HCRTR1: variants seen among roughly 807,000 people sequenced by gnomAD.
HCRTR1 encodes orexin/Hypocretin receptor type 1.
HCRTR1 carries 28 observed loss-of-function variants against 40.6 expected under a neutral mutation model. The ratio of observed to expected loss-of-function variants is 0.69; its 90% CI spans 0.51 to 0.95. HCRTR1 has a LOEUF of 0.95. HCRTR1 is among the 40% of genes least tolerant of loss of function. The pLI, the probability that HCRTR1 is intolerant of heterozygous loss-of-function variation, is 0.00. For synonymous variants in HCRTR1, 209 were observed against 230.0 expected (o/e 0.91, Z 0.83); for missense variants, 482 against 564.7 (o/e 0.85, Z 1.48).
At chr1:31,621,333 GTC>G (rs1639851435) in intron 5 of HCRTR1, 142 bp from the exon 6 acceptor site, 1 of 802,510 alleles carries the variant, frequency 1.2e-6, no homozygotes, top group Non-Finnish European at 2.1e-6. Context: ...CAACTCCAGG[GTC>G]TCTGTCTGTC....
downstream of HCRTR1, chr1:31,630,780 A>G: frequency 6.2e-7 from 1 of 1,613,834 alleles, no homozygotes; most frequent in South Asian, 1.1e-5. Flanking sequence ...GAGCGTGGGC[A>G]GTAGCGGGAG....
At chr1:31,618,990 A>G (rs906276624) in intron 2 of HCRTR1, 61 bp from the exon 3 acceptor site, 1 of 588,226 alleles carries the variant, frequency 1.7e-6, no homozygotes, top group East Asian at 2.8e-5. Flanking sequence ...CGCCTGGCAC[A>G]ATCCCTAATG....
At chr1:31,633,306 G>A (rs750063064), downstream of HCRTR1, 70 of 1,611,282 alleles carry the variant, frequency 4.3e-5, no homozygotes, top group Admixed American at 1.7e-5. Flanking sequence ...ACATTGGGAG[G>A]GGCGCCACCT....
downstream of HCRTR1, chr1:31,632,401 C>A (rs537267100): frequency 1.3e-6 from 2 of 1,588,436 alleles, no homozygotes; most frequent in South Asian, 1.1e-5. Context: ...GGTGGACATT[C>A]GGTAACAAGA....
At position 31,619,226 on chromosome 1, in the gene HCRTR1, G is replaced by T; in HGVS notation, c.34G>T (p.Gly12Trp). Residue 12 changes from glycine (G) to tryptophan (W), a missense_variant, in exon 3 of 9, where the codon GGG becomes TGG. Transcript: ENST00000403528. Reference protein sequence around the residue: ...EPSATPGAQMGVPPGSREPSP... With the variant: ...EPSATPGAQMWVPPGSREPSP... ...CTCAGCCACCCCAGGGGCCCAGATG[G>T]GGGTCCCCCCTGGCAGCAGAGAGCC... 6.2e-7 allele frequency: 1 copy of T among 1,613,278 alleles called. No individual in the cohort carries two copies.
downstream of HCRTR1, chr1:31,633,336 C>T (rs756447601): frequency 3.8e-6 from 6 of 1,591,498 alleles, no homozygotes; most frequent in Admixed American, 1.0e-4. Flanking sequence ...GGTGTGAAGG[C>T]CATCAACAGA....
rs6660179 is a variant in HCRTR1 at position 31,625,809 on chromosome 1, T to C, written c.1087+691T>C. Among the ~76,000 whole-genome samples, 2,880 of 152,276 alleles carry C rather than the reference T, an allele frequency of 0.019. 39 individuals carry two copies. Among genetic ancestry groups the C allele is most frequent in the Middle Eastern group, 0.068 (20 of 294 alleles). ...CTCACCAGCCCTCTGACTTTGGGAA[T>C]AGACTTCTAAAGAACAGGTCCAGAT... is the stretch of plus-strand genomic sequence containing the variant. On this transcript the variant is annotated intron_variant, in intron 8 of 8. Coordinates refer to ENST00000403528, the MANE Select transcript of HCRTR1 (RefSeq NM_001525.3). This position sits in a 1 kb window ranked among gnomAD's most constrained non-coding sequence, Gnocchi z 4.2.
In HCRTR1 at chr1:31,619,749, C is replaced by T. The variant is rs201308425; in HGVS notation, c.378+39C>T. ...AGGCACCCCTCACCACTCCTTGTCACGCCTGTAAAAAACCCACGGCCTTGC... is the reference window on the plus strand; with the variant it reads ...AGGCACCCCTCACCACTCCTTGTCATGCCTGTAAAAAACCCACGGCCTTGC... On this transcript the variant is annotated intron_variant, in intron 4 of 8. Transcript: ENST00000403528. The T allele has an allele frequency of 1.1e-4, 170 of 1,548,234 alleles. 1 individual carries two copies. Among genetic ancestry groups the T allele is most frequent in the Admixed American group, 2.4e-4 (13 of 53,818 alleles).
At chr1:31,621,965 G>C (rs1413354466) in intron 6 of HCRTR1, among the ~76,000 whole-genome samples, 1 of 152,154 alleles carries the variant, frequency 6.6e-6, no homozygotes, top group African/African-American at 2.4e-5. Context: ...CTAAAGCCCA[G>C]ATCTGTGAGC....
At chr1:31,621,140 C>T (rs1639846856) in intron 5 of HCRTR1, 54 bp downstream of exon 5, 5 of 1,565,270 alleles carry the variant, frequency 3.2e-6, no homozygotes, top group East Asian at 4.5e-5. Context: ...TTTGGGAGCA[C>T]GTACCCCTAG....
chr1:31,621,530 G>A lies in HCRTR1; in HGVS notation c.676G>A (p.Ala226Thr). 1 of 1,614,092 alleles carries A rather than the reference G, an allele frequency of 6.2e-7. No individual in the cohort carries two copies. Among genetic ancestry groups the A allele is most frequent in the Non-Finnish European group, 8.5e-7 (1 of 1,180,020 alleles). Residue 226 changes from alanine (A) to threonine (T), a missense_variant, in exon 6 of 9, where the codon GCC becomes ACC. Ala to Thr is a moderately conservative substitution (Grantham distance 58). Coordinates refer to ENST00000403528, the MANE Select transcript of HCRTR1 (RefSeq NM_001525.3). ...HSCFFIVTYL[A>T]PLGLMAMAYF... ...TTGCTTCTTTATTGTCACCTACCTG[G>A]CCCCACTGGGCCTCATGGCCATGGC...
At chr1:31,632,410 G>GA, downstream of HCRTR1, 1 of 1,598,722 alleles carries the variant, frequency 6.3e-7, no homozygotes, top group Non-Finnish European at 8.6e-7. Context: ...TCGGTAACAA[G>GA]AGGAAACCCC....
chr1:31,633,043 T>C, downstream of HCRTR1: 1 of 1,259,188 alleles, frequency 7.9e-7, no homozygotes. Flanking sequence ...CTCCCCACAG[T>C]CCTCCCTGGT....
chr1:31,631,121 C>T (rs139182246), downstream of HCRTR1, among the ~76,000 whole-genome samples: 641 of 152,294 alleles, frequency 4.2e-3, 1 homozygote, highest in Middle Eastern at 6.8e-3. Context: ...GAGACGACAA[C>T]GGACTATCCG....
rs1244058392 is a variant in HCRTR1 at position 31,625,265 on chromosome 1, A to C, written c.1087+147A>C. The C allele has an allele frequency of 1.1e-5, 11 of 1,009,828 alleles. No individual in the cohort carries two copies. The highest frequency in any genetic ancestry group is 6.6e-5 in the African/African-American group (4 of 60,770). The allele number at this position is 1,009,828 out of a possible 1,614,324, so 62.6% of individuals were successfully genotyped here. A position where few individuals can be genotyped will look rare whatever the true frequency, so the allele number is the denominator to read the frequency against. ...CAGTGATCCTGCTCTGGGAGGACCC[A>C]CCCCAAGCGGCCCTGGCCTGAGTGG... On this transcript the variant is annotated intron_variant, in intron 8 of 8. Coordinates refer to ENST00000403528, the MANE Select transcript of HCRTR1 (RefSeq NM_001525.3). This position sits in a 1 kb window ranked among gnomAD's most constrained non-coding sequence, Gnocchi z 4.2.
chr1:31,632,068 G>A (rs1303967268), downstream of HCRTR1, among the ~76,000 whole-genome samples: 1 of 152,204 alleles, frequency 6.6e-6, no homozygotes, highest in Non-Finnish European at 1.5e-5. Context: ...CCCAAAAGTT[G>A]GGAAAGAAAC....
At chr1:31,630,634 C>T (rs763606589), downstream of HCRTR1, 1 of 1,612,546 alleles carries the variant, frequency 6.2e-7, no homozygotes, top group Non-Finnish European at 8.5e-7. Flanking sequence ...GAGAAGCTGT[C>T]ATGGTGACGA....
downstream of HCRTR1, chr1:31,632,566 T>A (rs1351537862): frequency 6.2e-7 from 1 of 1,614,214 alleles, no homozygotes; most frequent in South Asian, 1.1e-5. Flanking sequence ...GTTCTTCCAC[T>A]GCTGGATGAA....
chr1:31,630,755 A>G (rs1468602435), downstream of HCRTR1: 1 of 1,614,164 alleles, frequency 6.2e-7, no homozygotes, highest in Admixed American at 1.7e-5. Context: ...GTCAAGCTGC[A>G]TGGCAGGATT....
Sources: gnomAD v4.1 joint callset for allele counts (sites outside exome capture counted in the v4.1 genomes callset) on GRCh38, gnomAD v4.1.1 for gene constraint, Gnocchi (gnomAD v3.1) non-coding constraint, MANE v1.5 for transcripts, NCBI Gene and HGNC (gene_info 2026-07-23, HGNC 2026-07-21) for gene names.